MACROD2: variants seen among roughly 807,000 people sequenced by gnomAD.
MACROD2 encodes ADP-ribose glycohydrolase MACROD2.
MACROD2 carries 36 observed loss-of-function variants against 70.4 expected under a neutral mutation model. The ratio of observed to expected loss-of-function variants is 0.51; its 90% confidence interval spans 0.39 to 0.68. MACROD2 has a LOEUF of 0.68. MACROD2 is among the 30% of genes least tolerant of loss of function. The probability of loss-of-function intolerance (pLI) is 0.00; values close to 1 mark genes in which losing one functional copy is unlikely to be tolerated. For missense variants in MACROD2, 496 were observed against 538.4 expected (o/e 0.92, Z 0.78); for synonymous variants, 172 against 178.8 (o/e 0.96, Z 0.30).
chr20:15,096,573 G>A (rs952662630), intron 5 of MACROD2, among the ~76,000 whole-genome samples: 36 of 149,878 alleles, frequency 2.4e-4, no homozygotes, highest in East Asian at 1.6e-3. Flanking sequence ...GTACAGTGGC[G>A]TGATCTTGGC....
At chr20:15,044,508 TTCTC>T (rs890770210) in intron 5 of MACROD2, among the ~76,000 whole-genome samples, 14 of 152,098 alleles carry the variant, frequency 9.2e-5, no homozygotes, top group Non-Finnish European at 2.1e-4. Flanking sequence ...ATCTTTCCCA[TTCTC>T]TCTGCCTGGA....
intron 6 of MACROD2, among the ~76,000 whole-genome samples, chr20:15,311,740 T>C (rs899201224): frequency 6.6e-6 from 1 of 151,968 alleles, no homozygotes; most frequent in Non-Finnish European, 1.5e-5. Flanking sequence ...TATCGAGTAC[T>C]CACAAACATA....
At chr20:16,026,195 C>G (rs2067078185) in intron 15 of MACROD2, among the ~76,000 whole-genome samples, 1 of 150,358 alleles carries the variant, frequency 6.7e-6, no homozygotes, top group South Asian at 2.1e-4. Flanking sequence ...CAAACAAAAA[C>G]AAAGGAGAAT....
chr20:14,544,070 C>T (rs1034897315), intron 4 of MACROD2, among the ~76,000 whole-genome samples: 1 of 152,142 alleles, frequency 6.6e-6, no homozygotes, highest in African/African-American at 2.4e-5. Flanking sequence ...CTATAAAAGG[C>T]TAATGTGGCA....
chr20:15,896,665 CT>C (rs552669849), intron 10 of MACROD2, among the ~76,000 whole-genome samples: 1 of 151,738 alleles, frequency 6.6e-6, no homozygotes, highest in African/African-American at 2.4e-5. Flanking sequence ...AGCATTATTA[CT>C]TTAGTAAATA....
At chr20:16,001,951 T>C (rs1039256071) in intron 15 of MACROD2, among the ~76,000 whole-genome samples, 2 of 151,986 alleles carry the variant, frequency 1.3e-5, no homozygotes, top group Non-Finnish European at 2.9e-5. Flanking sequence ...GGAAACCTTA[T>C]GCAATGAGAA....
chr20:15,888,138 C>A (rs2064845027), intron 10 of MACROD2, among the ~76,000 whole-genome samples: 1 of 152,116 alleles, frequency 6.6e-6, no homozygotes, highest in Non-Finnish European at 1.5e-5. Flanking sequence ...AAAACTCAAA[C>A]CCTTCTATGT....
intron 8 of MACROD2, among the ~76,000 whole-genome samples, chr20:15,566,008 A>C (rs2048305485): frequency 6.6e-6 from 1 of 152,138 alleles, no homozygotes; most frequent in Non-Finnish European, 1.5e-5. Context: ...CAGGCACGTG[A>C]TCTCTGAGCT....
At chr20:15,663,232 A>ATTT (rs34234600) in intron 8 of MACROD2, among the ~76,000 whole-genome samples, 3 of 129,834 alleles carry the variant, frequency 2.3e-5, no homozygotes, top group Non-Finnish European at 3.2e-5. Flanking sequence ...TCAGAATTTG[A>ATTT]TTTTTTTTTT....
At chr20:14,474,678 A>G (rs1312139390) in intron 3 of MACROD2, among the ~76,000 whole-genome samples, 15 of 152,068 alleles carry the variant, frequency 9.9e-5, no homozygotes, top group Admixed American at 9.8e-4. Flanking sequence ...CATATTTACA[A>G]TTTTATTTCC....
At chr20:15,321,311 C>T (rs1221999028) in intron 6 of MACROD2, among the ~76,000 whole-genome samples, 2 of 144,262 alleles carry the variant, frequency 1.4e-5, no homozygotes, top group African/African-American at 5.0e-5. Flanking sequence ...TCACCTTTAG[C>T]TTCTATCTGA....
At chr20:15,618,180 G>A (rs533259034) in intron 8 of MACROD2, among the ~76,000 whole-genome samples, 3 of 143,656 alleles carry the variant, frequency 2.1e-5, no homozygotes, top group African/African-American at 7.8e-5. Flanking sequence ...CACACTCATG[G>A]TTCCTTTCCC....
At chr20:15,753,238 G>T (rs1460634574) in intron 8 of MACROD2, among the ~76,000 whole-genome samples, 2 of 152,164 alleles carry the variant, frequency 1.3e-5, no homozygotes, top group Non-Finnish European at 2.9e-5. Flanking sequence ...TCCAAATAGT[G>T]AGCATCACAC....
At chr20:14,136,933 C>G (rs1213578039) in intron 3 of MACROD2, among the ~76,000 whole-genome samples, 1 of 152,168 alleles carries the variant, frequency 6.6e-6, no homozygotes, top group African/African-American at 2.4e-5. Flanking sequence ...CAAAACATAG[C>G]ACTTAATAGC....
chr20:14,430,157 T>G (rs951685668), intron 3 of MACROD2, among the ~76,000 whole-genome samples: 6 of 152,136 alleles, frequency 3.9e-5, no homozygotes, highest in Admixed American at 1.3e-4. Flanking sequence ...GACTATCAGG[T>G]TTATGGTTCC....
At chr20:14,711,902 T>C (rs2071343331) in intron 5 of MACROD2, among the ~76,000 whole-genome samples, 2 of 152,174 alleles carry the variant, frequency 1.3e-5, no homozygotes, top group Non-Finnish European at 1.5e-5. Context: ...GGAATCGCCT[T>C]AGAGCTAGCT....
At chr20:14,533,842 T>C (rs1360171817) in intron 4 of MACROD2, among the ~76,000 whole-genome samples, 1 of 152,190 alleles carries the variant, frequency 6.6e-6, no homozygotes, top group African/African-American at 2.4e-5. Context: ...TTACCTGTGT[T>C]TGGACATTCA....
At chr20:15,132,557 A>G (rs575597525) in intron 5 of MACROD2, among the ~76,000 whole-genome samples, 85 of 152,114 alleles carry the variant, frequency 5.6e-4, no homozygotes, top group Admixed American at 2.5e-3. Context: ...GTAAAATAAT[A>G]TGAACTACCT....
At chr20:14,053,884 A>G (rs1413333111) in intron 2 of MACROD2, among the ~76,000 whole-genome samples, 3 of 152,108 alleles carry the variant, frequency 2.0e-5, no homozygotes, top group Non-Finnish European at 2.9e-5. Context: ...TTTAAATAGT[A>G]AATATGTTGT....
Sources: gnomAD v4.1 joint callset for allele counts (sites outside exome capture counted in the v4.1 genomes callset) on GRCh38, gnomAD v4.1.1 for gene constraint, MANE v1.5 for transcripts, NCBI Gene and HGNC (gene_info 2026-07-23, HGNC 2026-07-21) for gene names.